The following ANKRD53 variants were observed in gnomAD, a reference collection of about 807,000 sequenced individuals.
ANKRD53 encodes ankyrin repeat domain 53, also known as ankyrin repeat domain-containing protein 53.
A neutral mutation model predicts 30.1 loss-of-function variants in ANKRD53; 27 were observed. That is an observed-to-expected ratio of 0.90 (90% CI 0.66 to 1.24). The LOEUF (loss-of-function observed/expected upper bound fraction) is 1.24. Ranked by LOEUF, ANKRD53 falls within the 50% of genes most tolerant of loss-of-function variation. The probability of loss-of-function intolerance (pLI) is 0.00; values close to 1 mark genes in which losing one functional copy is unlikely to be tolerated. For synonymous variants in ANKRD53, 286 were observed against 295.4 expected (o/e 0.97, Z 0.33); for missense variants, 682 against 721.0 (o/e 0.95, Z 0.62).
rs1191256828 is a variant in ANKRD53 at position 70,984,503 on chromosome 2, C to G, written c.904-108C>G. 3 of 1,535,600 alleles carry G rather than the reference C, an allele frequency of 2.0e-6. No homozygotes were observed. In the African/African-American group the frequency reaches 4.1e-5, roughly 21 times the overall value. ...CCCTCCCATCAGACTCAGAGTTTCC[C>G]TCATCCTTCAGACTGTGGTTTCCGA... On this transcript the variant is annotated intron_variant, in intron 5 of 5. Transcript: ENST00000360589.
At chr2:70,981,714 A>G (rs10209944) in intron 3 of ANKRD53, among the ~76,000 whole-genome samples, 104,042 of 152,124 alleles carry the variant, frequency 0.68, 36,157 homozygotes, top group African/African-American at 0.81. Flanking sequence ...GTTCTTAACT[A>G]TCACATACCT....
In ANKRD53 at chr2:70,984,865, G is replaced by A. The variant is rs1553424443; in HGVS notation, c.1158G>A (p.Trp386Ter). 13 of 1,551,384 alleles carry A rather than the reference G, an allele frequency of 8.4e-6. No homozygotes were observed. Among genetic ancestry groups the A allele is most frequent in the Admixed American group, 2.0e-5 (1 of 51,010 alleles). ...CCACGGTCAAGCGGCCCACAATGTGGAATGTTAGCAACAACCCCGCCAGAC... is the reference window on the plus strand; with the variant it reads ...CCACGGTCAAGCGGCCCACAATGTGAAATGTTAGCAACAACCCCGCCAGAC... Reference protein sequence around the residue: ...RKPTVKRPTMWNVSNNPARPP... With the variant: ...RKPTVKRPTM The change falls in exon 6 of 6, where the codon TGG (tryptophan) becomes TGA (stop). Residue 386 changes from tryptophan to a stop codon, truncating the protein, a stop_gained. Coordinates refer to ENST00000360589, the MANE Select transcript of ANKRD53 (RefSeq NM_001115116.2). LOFTEE classifies it low-confidence loss of function (END_TRUNC).
Position 70,982,849 on chromosome 2 carries a change from C to A in ANKRD53, c.903+152C>A. The A allele has an allele frequency of 9.4e-7, 1 of 1,066,220 alleles. No individual in the cohort carries two copies. Among genetic ancestry groups the A allele is most frequent in the Non-Finnish European group, 1.3e-6 (1 of 775,688 alleles). 66.0% of individuals were successfully genotyped at this position (1,066,220 alleles called of 1,614,324 possible). On this transcript the variant is annotated intron_variant, in intron 5 of 5. Coordinates refer to ENST00000360589, the MANE Select transcript of ANKRD53 (RefSeq NM_001115116.2). The surrounding 1 kb of genome is among the most constrained non-coding windows in gnomAD (Gnocchi z 4.2). ...CCTGTACTCCCACCGGGTACTCTGACTGAAATTCCGCTCTTTTAAATAAGC... is the reference window on the plus strand; with the variant it reads ...CCTGTACTCCCACCGGGTACTCTGAATGAAATTCCGCTCTTTTAAATAAGC...
Position 70,979,159 on chromosome 2 carries a change from G to A in ANKRD53, c.233G>A (p.Arg78His), listed in dbSNP as rs148041218. 5.5e-4 allele frequency: 880 copies of A among 1,610,848 alleles called. 5 individuals carry two copies. In the African/African-American group the frequency reaches 1.0e-2, roughly 18 times the overall value. ...CAGGCGACTGCCCTCGCCAGGCCGC[G>A]CCGCCCTGCCTCGCTCACCCCGCCC... ...SAQATALARP[R>H]RPASLTPPRA... Residue 78 changes from arginine (R) to histidine (H), a missense_variant, in exon 2 of 6, where the codon CGC (arginine) becomes CAC (histidine). By Grantham distance (29) the Arg-to-His change is conservative (BLOSUM62 0). Coordinates refer to ENST00000360589, the MANE Select transcript of ANKRD53 (RefSeq NM_001115116.2).
Position 70,985,413 on chromosome 2 carries a change from C to G in ANKRD53, c.*113C>G. 1.0e-6 allele frequency: 1 copy of G among 974,698 alleles called. No individual in the cohort carries two copies. The highest frequency in any genetic ancestry group is 1.5e-6 in the Non-Finnish European group (1 of 666,824). The allele number at this position is 974,698 out of a possible 1,614,324, so 60.4% of individuals were successfully genotyped here. On this transcript the variant is annotated 3_prime_UTR_variant, in exon 6 of 6. Transcript: ENST00000360589. ...GGGGTGCCTATGGGCTTCCCACTCC[C>G]AAGCTCGAGGAGTCACCCTTCCCAA... is the stretch of plus-strand genomic sequence containing the variant.
rs782408761 is a variant in ANKRD53 at position 70,984,819 on chromosome 2, C to G, written c.1112C>G (p.Pro371Arg). Residue 371 changes from proline (P) to arginine (R), a missense_variant, in exon 6 of 6, where the codon CCC becomes CGC. Physicochemically the swap from Pro to Arg is moderately radical, Grantham distance 103. Coordinates refer to ENST00000360589, the MANE Select transcript of ANKRD53 (RefSeq NM_001115116.2). ...TGCATTCCACAGCCCACGGAGATGC[C>G]CAAGCCCATCTACAGGAAGCCCACG... ...LQCIPQPTEM[P>R]KPIYRKPTVK... 2.3e-4 allele frequency: 361 copies of G among 1,545,280 alleles called. 1 individual carries two copies. The highest frequency in any genetic ancestry group is 3.0e-4 in the Non-Finnish European group (348 of 1,147,420).
Position 70,984,987 on chromosome 2 carries a change from G to C in ANKRD53, c.1280G>C (p.Arg427Thr). 1 of 1,549,746 alleles carries C rather than the reference G, an allele frequency of 6.5e-7. No homozygotes were observed. The highest frequency in any genetic ancestry group is 1.4e-5 in the African/African-American group (1 of 73,182). Residue 427 changes from arginine (R) to threonine (T), a missense_variant, in exon 6 of 6, where the codon AGG becomes ACG. By Grantham distance (71) the Arg-to-Thr change is moderately conservative. Transcript: ENST00000360589. ...EHDFSSFLEVRPDGHGGARLH... is the reference protein window; with the variant it reads ...EHDFSSFLEVTPDGHGGARLH... ...GACTTCAGCAGCTTCCTGGAGGTGA[G>C]GCCTGATGGGCACGGCGGTGCGCGG...
rs191976460 is a variant in ANKRD53, at chr2:70,984,064, C to G, written c.904-547C>G. The G allele has an allele frequency of 1.4e-4, 221 of 1,529,496 alleles. 2 individuals are homozygous for G. In the African/African-American group the frequency reaches 2.0e-3, roughly 14 times the overall value. The allele number at this position is 1,529,496 out of a possible 1,614,324, so 94.7% of individuals were successfully genotyped here. ...CCCTACATGACTTCTCAAGGCCCAC[C>G]ACTTCCAAGAAGCGTGTCCACATCA... is the stretch of plus-strand genomic sequence containing the variant. On this transcript the variant is annotated intron_variant, in intron 5 of 5. Coordinates refer to ENST00000360589, the MANE Select transcript of ANKRD53 (RefSeq NM_001115116.2).
chr2:70,984,558 G>A (rs1670112613), intron 5 of ANKRD53, 53 bp from the exon 6 acceptor site: 3 of 1,584,542 alleles, frequency 1.9e-6, no homozygotes, highest in East Asian at 4.5e-5. Context: ...TCCTTGCCCA[G>A]AAGCAGAGGG....
rs1553423928 is a variant in ANKRD53, at chr2:70,982,834, C to CA, written c.903+138dup. On this transcript the variant is annotated intron_variant, in intron 5 of 5. Coordinates refer to ENST00000360589, the MANE Select transcript of ANKRD53 (RefSeq NM_001115116.2). The surrounding 1 kb of genome is among the most constrained non-coding windows in gnomAD (Gnocchi z 4.2). Reference sequence around the variant, plus strand: ...AGAGCCACCCTTTCGCCTGTACTCCCACCGGGTACTCTGACTGAAATTCCG... The same window carrying CA: ...AGAGCCACCCTTTCGCCTGTACTCCCAACCGGGTACTCTGACTGAAATTCCG... 2 of 1,156,212 alleles carry CA rather than the reference C, an allele frequency of 1.7e-6. No homozygotes were observed. Among genetic ancestry groups the CA allele is most frequent in the Non-Finnish European group, 1.2e-6 (1 of 847,834 alleles). The allele number at this position is 1,156,212 out of a possible 1,614,324, so 71.6% of individuals were successfully genotyped here. A position where few individuals can be genotyped will look rare whatever the true frequency, so the allele number is the denominator to read the frequency against.
chr2:70,984,069 C>T, intron 5 of ANKRD53: 2 of 1,551,950 alleles, frequency 1.3e-6, no homozygotes, highest in African/African-American at 2.7e-5. Flanking sequence ...CCCACCACTT[C>T]CAAGAAGCGT....
Position 70,985,417 on chromosome 2 carries a change from C to A in ANKRD53, c.*117C>A, listed in dbSNP as rs1670162361. ...TGCCTATGGGCTTCCCACTCCCAAGCTCGAGGAGTCACCCTTCCCAATCAA... is the reference window on the plus strand; with the variant it reads ...TGCCTATGGGCTTCCCACTCCCAAGATCGAGGAGTCACCCTTCCCAATCAA... On this transcript the variant is annotated 3_prime_UTR_variant, in exon 6 of 6. Transcript: ENST00000360589. 1 of 910,972 alleles carries A rather than the reference C, an allele frequency of 1.1e-6. No homozygotes were observed. Among genetic ancestry groups the A allele is most frequent in the African/African-American group, 1.7e-5 (1 of 59,856 alleles). The allele number at this position is 910,972 out of a possible 1,614,324, so 56.4% of individuals were successfully genotyped here.
chr2:70,981,184 T>C (rs782715493), intron 3 of ANKRD53, among the ~76,000 whole-genome samples: 2 of 152,224 alleles, frequency 1.3e-5, no homozygotes, highest in African/African-American at 2.4e-5. Context: ...GGAGACTGCA[T>C]TCATTCAAAG....
Position 70,979,244 on chromosome 2 carries a change from C to G in ANKRD53, c.318C>G (p.Ile106Met). ...SDQTAIDQTA[I>M]GSYYQLFAAA... is the part of the protein sequence containing the mutation. ...AGACGGCAATCGACCAGACGGCGATCGGGAGCTACTACCAGCTGTTCGCAG... is the reference window on the plus strand; with the variant it reads ...AGACGGCAATCGACCAGACGGCGATGGGGAGCTACTACCAGCTGTTCGCAG... Residue 106 changes from isoleucine to methionine, a missense_variant, in exon 2 of 6, where the codon ATC becomes ATG. By Grantham distance (10) the Ile-to-Met change is conservative. Transcript: ENST00000360589. 5 of 1,613,566 alleles carry G rather than the reference C, an allele frequency of 3.1e-6. No individual in the cohort carries two copies. Among genetic ancestry groups the G allele is most frequent in the Non-Finnish European group, 4.2e-6 (5 of 1,180,016 alleles).
At chr2:70,983,125 T>C (rs1234676369) in intron 5 of ANKRD53, among the ~76,000 whole-genome samples, 3 of 152,170 alleles carry the variant, frequency 2.0e-5, no homozygotes, top group Non-Finnish European at 4.4e-5. Context: ...ATGAACAATA[T>C]GTGGTCCCCA....
intron 5 of ANKRD53, 187 bp from the exon 6 acceptor site, chr2:70,984,424 A>G (rs1572937503): frequency 1.0e-6 from 1 of 985,250 alleles, no homozygotes; most frequent in Non-Finnish European, 1.2e-6. Flanking sequence ...TGTCTCCCCC[A>G]TCGGAACACC....
Position 70,979,080 on chromosome 2 carries a change from A to T in ANKRD53, c.171-17A>T. 6.9e-7 allele frequency: 1 copy of T among 1,447,598 alleles called. No individual in the cohort carries two copies. Among genetic ancestry groups the T allele is most frequent in the Non-Finnish European group, 9.2e-7 (1 of 1,090,106 alleles). 89.7% of individuals were successfully genotyped at this position (1,447,598 alleles called of 1,614,324 possible). On this transcript the variant is annotated splice_polypyrimidine_tract_variant and intron_variant, in intron 1 of 5. Coordinates refer to ENST00000360589, the MANE Select transcript of ANKRD53 (RefSeq NM_001115116.2). ...GGCCGTGGCCCAGAGTCGCTTCCCC[A>T]CTGCCCCGCCCTCCAGCCAGCCCCT...
chr2:70,985,168 C>A lies in ANKRD53; in HGVS notation c.1461C>A (p.His487Gln). Residue 487 changes from histidine to glutamine, a missense_variant, in exon 6 of 6, where the codon CAC becomes CAA. Physicochemically the swap from His to Gln is conservative, Grantham distance 24. Coordinates refer to ENST00000360589, the MANE Select transcript of ANKRD53 (RefSeq NM_001115116.2). ...TGAGGGAAGTGCCCAGGAAGCGGCA[C>A]CTGGGTGACAACACCTTCTGGACCG... is the stretch of plus-strand genomic sequence containing the variant. ...ISMREVPRKR[H>Q]LGDNTFWTDT... 2 of 1,551,240 alleles carry A rather than the reference C, an allele frequency of 1.3e-6. No homozygotes were observed. Among genetic ancestry groups the A allele is most frequent in the South Asian group, 2.4e-5 (2 of 84,036 alleles).
rs1257143626 is a variant in ANKRD53 at position 70,982,179 on chromosome 2, C to T, written c.782+79C>T. On this transcript the variant is annotated intron_variant, in intron 4 of 5. Coordinates refer to ENST00000360589, the MANE Select transcript of ANKRD53 (RefSeq NM_001115116.2). This position sits in a 1 kb window ranked among gnomAD's most constrained non-coding sequence, Gnocchi z 4.2. ...CTTTTCCCTAGGGCCCTCACCACAG[C>T]TGAGCCTTTAAGGGGAGGGTTGGGA... 8.8e-6 allele frequency: 13 copies of T among 1,474,872 alleles called. No homozygotes were observed. The African/African-American group carries it at 1.8e-4, about 21-fold the overall frequency. The allele number at this position is 1,474,872 out of a possible 1,614,324, so 91.4% of individuals were successfully genotyped here.
Sources: gnomAD v4.1 joint callset for allele counts (sites outside exome capture counted in the v4.1 genomes callset) on GRCh38, gnomAD v4.1.1 for gene constraint, Gnocchi (gnomAD v3.1) non-coding constraint, MANE v1.5 for transcripts, NCBI Gene and HGNC (gene_info 2026-07-23, HGNC 2026-07-21) for gene names.